Variants in TIA1 observed in about 807,000 individuals in gnomAD.
TIA1 encodes cytotoxic granule associated RNA binding protein TIA1.
TIA1 carries 23 observed loss-of-function variants against 65.9 expected under a neutral mutation model. The ratio of observed to expected loss-of-function variants is 0.35; its 90% CI spans 0.25 to 0.49. The LOEUF (loss-of-function observed/expected upper bound fraction) is 0.49, where lower values mean the gene tolerates loss of function less well. TIA1 is among the 20% of genes least tolerant of loss of function. TIA1 has a pLI of 0.98. For synonymous variants in TIA1, 147 were observed against 149.4 expected, an observed-to-expected ratio of 0.98 and a Z score of 0.12; for missense variants, 371 against 477.9, an observed-to-expected ratio of 0.78 and a Z score of 2.09.
chr2:70,221,863 C>A (rs1262049880), intron 7 of TIA1, among the ~76,000 whole-genome samples: 1 of 151,910 alleles, frequency 6.6e-6, no homozygotes, highest in Admixed American at 6.6e-5. Flanking sequence ...TCTCAGCTCA[C>A]TGGATCCTCA....
At chr2:70,222,343 ACAGTACT>A (rs1241767403) in intron 7 of TIA1, among the ~76,000 whole-genome samples, 1 of 152,172 alleles carries the variant, frequency 6.6e-6, no homozygotes, top group African/African-American at 2.4e-5. Flanking sequence ...GTTTGCCAAG[ACAGTACT>A]CTGTACTCAC....
intron 8 of TIA1, 108 bp downstream of exon 8, chr2:70,216,778 C>T: frequency 6.2e-7 from 1 of 1,604,740 alleles, no homozygotes; most frequent in Non-Finnish European, 8.5e-7. Flanking sequence ...TCTTGATTTG[C>T]TTCTCATCTA....
intron 11 of TIA1, among the ~76,000 whole-genome samples, 157 bp from the exon 12 acceptor site, chr2:70,214,651 A>AAAAAAAAAAAAAAAAC (rs1558752008): frequency 1.4e-5 from 2 of 143,200 alleles, no homozygotes; most frequent in Admixed American, 7.2e-5. Flanking sequence ...AAAAAAAAAA[A>AAAAAAAAAAAAAAAAC]AAAAAAACAA....
At position 70,227,831 on chromosome 2, in the gene TIA1, G is replaced by A; in HGVS notation, c.311-9C>T. ...AAAGACATGGAAATGATCTTATAAG[G>A]GGAAGGAAGGGGAAGTGAAAAGAAA... On this transcript the variant is annotated splice_polypyrimidine_tract_variant and intron_variant, in intron 5 of 12. Transcript: ENST00000433529. The A allele has an allele frequency of 6.4e-7, 1 of 1,555,564 alleles. No individual in the cohort carries two copies. Among genetic ancestry groups the A allele is most frequent in the Middle Eastern group, 1.7e-4 (1 of 5,792 alleles).
intron 7 of TIA1, 170 bp downstream of exon 7, chr2:70,224,384 T>C: frequency 1.2e-6 from 1 of 855,152 alleles, no homozygotes; most frequent in South Asian, 1.8e-5. Context: ...TCTGCATGCC[T>C]CAGGTGCCAA....
At position 70,212,763 on chromosome 2, in the gene TIA1, T is replaced by G. The variant is rs1251696640; in HGVS notation, c.1117A>C (p.Asn373His). 1 of 1,614,046 alleles carries G rather than the reference T, an allele frequency of 6.2e-7. No homozygotes were observed. Among genetic ancestry groups the G allele is most frequent in the Non-Finnish European group, 8.5e-7 (1 of 1,179,996 alleles). Residue 373 changes from asparagine (N) to histidine (H), a missense_variant, in exon 13 of 13, where the codon AAT becomes CAT. Transcript: ENST00000433529. ...GCCACTCGATACCCAGAAGGCTGAT[T>G]GGGCAACATGCTGCCATTTTGCCCT... ...PQGQNGSMLPNQPSGYRVAGY... is the reference protein window; with the variant it reads ...PQGQNGSMLPHQPSGYRVAGY...
chr2:70,234,052 G>A (rs1450220071), intron 2 of TIA1, among the ~76,000 whole-genome samples: 1 of 152,130 alleles, frequency 6.6e-6, no homozygotes, highest in Non-Finnish European at 1.5e-5. Context: ...TGTAGCCAAG[G>A]CAATCATTAA....
intron 5 of TIA1, chr2:70,228,385 T>A (rs1424717538): frequency 7.8e-7 from 1 of 1,288,374 alleles, no homozygotes; most frequent in South Asian, 1.2e-5. Flanking sequence ...TTGACAGTTT[T>A]CTCAAAAGCC....
At chr2:70,247,100 C>T (rs1402282182) in intron 1 of TIA1, among the ~76,000 whole-genome samples, 1 of 152,244 alleles carries the variant, frequency 6.6e-6, no homozygotes, top group East Asian at 1.9e-4. Flanking sequence ...CACCGTGAGG[C>T]TAGTAGTTTT....
intron 1 of TIA1, among the ~76,000 whole-genome samples, chr2:70,241,398 T>C (rs1004538479): frequency 6.6e-6 from 1 of 151,498 alleles, no homozygotes; most frequent in Admixed American, 6.6e-5. Context: ...GCCGAGATCA[T>C]GCCACTGTAC....
chr2:70,220,669 T>C (rs1680877090), intron 7 of TIA1, among the ~76,000 whole-genome samples: 1 of 152,074 alleles, frequency 6.6e-6, no homozygotes, highest in South Asian at 2.1e-4. Context: ...CCATCCAGTT[T>C]ATGATACTTT....
At position 70,211,508 on chromosome 2, in the gene TIA1, G is replaced by A. The variant is rs1676480950; in HGVS notation, c.*1211C>T. On this transcript the variant is annotated 3_prime_UTR_variant, in exon 13 of 13. Coordinates refer to ENST00000433529, the MANE Select transcript of TIA1 (RefSeq NM_022173.4). ...TCAGGCAAAATTTGGAGGTCACAAT[G>A]AACTCCAAGCCTGACACAAAGATAT... is the stretch of plus-strand genomic sequence containing the variant. The A allele has an allele frequency of 6.6e-6, 1 of 151,984 alleles. No individual in the cohort carries two copies. The highest frequency in any genetic ancestry group is 1.5e-5 in the Non-Finnish European group (1 of 68,014). The allele number at this position is 151,984 out of a possible 1,614,324, so 9.4% of individuals were successfully genotyped here.
chr2:70,213,746 G>A (rs1205903212), intron 12 of TIA1, among the ~76,000 whole-genome samples: 1 of 151,996 alleles, frequency 6.6e-6, no homozygotes, highest in Non-Finnish European at 1.5e-5. Flanking sequence ...CCGCCTCCCA[G>A]GTTCAAGTGA....
intron 12 of TIA1, among the ~76,000 whole-genome samples, chr2:70,213,539 A>G (rs1240311084): frequency 1.3e-5 from 2 of 151,744 alleles, no homozygotes; most frequent in East Asian, 3.9e-4. Context: ...TGTAGAGATG[A>G]GATTTCGCCA....
At chr2:70,238,055 G>A (rs892166002) in intron 1 of TIA1, among the ~76,000 whole-genome samples, 1 of 151,290 alleles carries the variant, frequency 6.6e-6, no homozygotes. Context: ...CGGCTACTCG[G>A]GAGGCTGAGG....
chr2:70,222,958 A>C (rs1483460036), intron 7 of TIA1, among the ~76,000 whole-genome samples: 5 of 152,202 alleles, frequency 3.3e-5, no homozygotes, highest in Non-Finnish European at 7.4e-5. Context: ...TCTGTTTTAT[A>C]ATGGTTGTCA....
intron 1 of TIA1, among the ~76,000 whole-genome samples, chr2:70,248,159 G>C (rs1487374972): frequency 6.6e-6 from 1 of 152,218 alleles, no homozygotes; most frequent in East Asian, 1.9e-4. Context: ...CCCGTGGCGA[G>C]AGCAAAGGTC....
At chr2:70,242,568 T>C (rs562714450) in intron 1 of TIA1, among the ~76,000 whole-genome samples, 14 of 132,648 alleles carry the variant, frequency 1.1e-4, no homozygotes, top group Middle Eastern at 8.7e-3. Context: ...AAACGATGAA[T>C]AGTTTTTTAC....
At chr2:70,219,241 G>C (rs1456746886) in intron 7 of TIA1, among the ~76,000 whole-genome samples, 1 of 134,138 alleles carries the variant, frequency 7.5e-6, no homozygotes, top group Non-Finnish European at 1.7e-5. Flanking sequence ...GGTGACTAGG[G>C]AGGAGTAGCC....
Sources: allele counts gnomAD v4.1 joint callset (sites outside exome capture counted in the v4.1 genomes callset), GRCh38; gene constraint gnomAD v4.1.1; transcripts MANE v1.5; gene names NCBI Gene and HGNC (gene_info 2026-07-23, HGNC 2026-07-21).